The following PHYHIPL variants were observed in gnomAD, a reference collection of about 807,000 sequenced individuals.
PHYHIPL encodes the protein phytanoyl-CoA hydroxylase-interacting protein-like.
PHYHIPL carries 9 observed loss-of-function variants against 33.4 expected under a neutral mutation model. The observed-to-expected ratio is 0.27, with a 90% confidence interval of 0.16 to 0.47. The LOEUF (loss-of-function observed/expected upper bound fraction) is 0.47. PHYHIPL is among the 20% of genes least tolerant of loss of function. The pLI, the probability that PHYHIPL is intolerant of heterozygous loss-of-function variation, is 0.99. For synonymous variants in PHYHIPL, 153 were observed against 154.1 expected (o/e 0.99, Z 0.05); for missense variants, 365 against 460.7 (o/e 0.79, Z 1.90).
intron 1 of PHYHIPL, among the ~76,000 whole-genome samples, chr10:59,189,245 A>G (rs1237212484): frequency 6.6e-6 from 1 of 152,034 alleles, no homozygotes; most frequent in Non-Finnish European, 1.5e-5. Context: ...GAAACTTATT[A>G]AGAACATTGA....
intron 4 of PHYHIPL, 179 bp downstream of exon 4, chr10:59,238,884 A>G (rs779397130): frequency 5.6e-4 from 283 of 505,956 alleles, no homozygotes; most frequent in East Asian, 1.1e-3. Context: ...ATTTTTTTCT[A>G]TTTCACTTAG....
rs146247510 is a variant in PHYHIPL at position 59,193,598 on chromosome 10, G to C, written c.106+16639G>C. ...TACTAGGGTATTTGTTGAGTGCTAG[G>C]CTACAATAAGACATAGTCTCTTTTT... On this transcript the variant is annotated intron_variant, in intron 1 of 4. Coordinates refer to ENST00000373880, the MANE Select transcript of PHYHIPL (RefSeq NM_032439.4). 2.5e-3 allele frequency among the ~76,000 whole-genome samples: 388 copies of C among 152,180 alleles called. 4 individuals carry two copies. The highest frequency in any genetic ancestry group is 5.0e-3 in the Non-Finnish European group (341 of 68,006).
At chr10:59,186,237 G>T (rs2083508543) in intron 1 of PHYHIPL, among the ~76,000 whole-genome samples, 2 of 152,214 alleles carry the variant, frequency 1.3e-5, no homozygotes, top group South Asian at 2.1e-4. Context: ...TTTCCCCATG[G>T]CTTATTTTTG....
chr10:59,189,016 A>G (rs894647049), intron 1 of PHYHIPL, among the ~76,000 whole-genome samples: 1 of 152,104 alleles, frequency 6.6e-6, no homozygotes, highest in Non-Finnish European at 1.5e-5. Context: ...ATATGTTTTA[A>G]AAAGTGTCAA....
chr10:59,213,387 C>T (rs1265945235), intron 1 of PHYHIPL, among the ~76,000 whole-genome samples: 2 of 152,144 alleles, frequency 1.3e-5, no homozygotes, highest in Non-Finnish European at 2.9e-5. Flanking sequence ...CCAAATCATT[C>T]TGCTGCATTG....
chr10:59,226,855 C>A, intron 1 of PHYHIPL, among the ~76,000 whole-genome samples: 1 of 151,756 alleles, frequency 6.6e-6, no homozygotes, highest in African/African-American at 2.4e-5. Flanking sequence ...AAAGAAAATA[C>A]CGTCCATATA....
chr10:59,175,648 G>C (rs1028468424), upstream of PHYHIPL, among the ~76,000 whole-genome samples: 1 of 152,116 alleles, frequency 6.6e-6, no homozygotes, highest in African/African-American at 2.4e-5. Flanking sequence ...TGTTTAAAAC[G>C]TTTGCACATC....
chr10:59,200,370 C>T (rs759543875), intron 1 of PHYHIPL, among the ~76,000 whole-genome samples: 11 of 152,102 alleles, frequency 7.2e-5, no homozygotes, highest in Non-Finnish European at 8.8e-5. Context: ...TATTGATTTG[C>T]GTATGTTAAA....
chr10:59,191,442 C>T (rs1235784189), intron 1 of PHYHIPL, among the ~76,000 whole-genome samples: 1 of 151,818 alleles, frequency 6.6e-6, no homozygotes, highest in East Asian at 1.9e-4. Context: ...TAACTTTATT[C>T]TGATTACATT....
At position 59,234,373 on chromosome 10, in the gene PHYHIPL, G is replaced by A. The variant is rs1840164656; in HGVS notation, c.176G>A (p.Ser59Asn). 1 of 1,602,116 alleles carries A rather than the reference G, an allele frequency of 6.2e-7. No homozygotes were observed. Residue 59 changes from serine (S) to asparagine (N), a missense_variant, in exon 2 of 5, where the codon AGC (serine) becomes AAC (asparagine). Transcript: ENST00000373880. Reference protein sequence around the residue: ...ELPVPHNIKISNITCDSFKIS... With the variant: ...ELPVPHNIKINNITCDSFKIS... The stretch of plus-strand genomic sequence containing the variant: ...CCTGTACCACATAACATCAAAATAA[G>A]CAATATAACGTGTGACTCATTCAAG...
chr10:59,221,426 A>T (rs909014106), intron 1 of PHYHIPL, among the ~76,000 whole-genome samples: 1 of 152,062 alleles, frequency 6.6e-6, no homozygotes, highest in African/African-American at 2.4e-5. Context: ...ATTTTGAATG[A>T]TTTAACTGCA....
At chr10:59,177,623 G>C (rs780077832) in intron 1 of PHYHIPL, 4 of 1,551,552 alleles carry the variant, frequency 2.6e-6, no homozygotes, top group Non-Finnish European at 3.5e-6. Context: ...TGGCGAGTAC[G>C]TACCATTGCG....
intron 1 of PHYHIPL, among the ~76,000 whole-genome samples, chr10:59,232,902 C>T (rs529425694): frequency 1.3e-5 from 2 of 151,778 alleles, no homozygotes; most frequent in African/African-American, 2.4e-5. Flanking sequence ...TTTCCTTTTC[C>T]CAAGGCCATT....
chr10:59,196,940 A>G (rs1231610556), intron 1 of PHYHIPL, among the ~76,000 whole-genome samples: 1 of 152,240 alleles, frequency 6.6e-6, no homozygotes, highest in African/African-American at 2.4e-5. Context: ...GATGTTGTAT[A>G]TAGCAATTTA....
At chr10:59,236,346 C>T in intron 2 of PHYHIPL, 137 bp from the exon 3 acceptor site, 5 of 455,448 alleles carry the variant, frequency 1.1e-5, no homozygotes, top group South Asian at 5.6e-5. Flanking sequence ...TCCTTCCTTC[C>T]CTCCCTCCTT....
chr10:59,219,519 A>G (rs1178740429), intron 1 of PHYHIPL, among the ~76,000 whole-genome samples: 3 of 152,180 alleles, frequency 2.0e-5, no homozygotes, highest in Non-Finnish European at 4.4e-5. Context: ...TCACAACATT[A>G]TGCTAATTGG....
chr10:59,186,149 G>T (rs1243144246), intron 1 of PHYHIPL, among the ~76,000 whole-genome samples: 1 of 152,122 alleles, frequency 6.6e-6, no homozygotes, highest in Non-Finnish European at 1.5e-5. Context: ...TGTATAAGGT[G>T]TAAGGAAGGG....
At chr10:59,200,831 G>C (rs984720350) in intron 1 of PHYHIPL, among the ~76,000 whole-genome samples, 1 of 152,032 alleles carries the variant, frequency 6.6e-6, no homozygotes, top group Non-Finnish European at 1.5e-5. Flanking sequence ...CTAGATTTTC[G>C]AGTTTATTTG....
At chr10:59,176,200 C>T (rs1251500949), upstream of PHYHIPL, among the ~76,000 whole-genome samples, 1 of 152,188 alleles carries the variant, frequency 6.6e-6, no homozygotes, top group Non-Finnish European at 1.5e-5. Flanking sequence ...ACCCCAATAC[C>T]GTACAGAGAG....
Sources: gnomAD v4.1 joint callset for allele counts (sites outside exome capture counted in the v4.1 genomes callset) on GRCh38, gnomAD v4.1.1 for gene constraint, MANE v1.5 for transcripts, NCBI Gene and HGNC (gene_info 2026-07-23, HGNC 2026-07-21) for gene names.